Variants in ZNRF2 observed in about 807,000 individuals in gnomAD.
ZNRF2 encodes E3 ubiquitin-protein ligase ZNRF2.
In ZNRF2, 16 loss-of-function variants were observed where a neutral mutation model predicts 20.4. That is an observed-to-expected ratio of 0.79 (90% CI 0.53 to 1.19). ZNRF2 has a LOEUF of 1.19. ZNRF2 is among the 50% of genes most tolerant of loss of function. The probability of loss-of-function intolerance (pLI) is 0.00; values close to 1 mark genes in which losing one functional copy is unlikely to be tolerated. For synonymous variants in ZNRF2, 178 were observed against 144.9 expected (o/e 1.23, Z -1.64); for missense variants, 363 against 332.4 (o/e 1.09, Z -0.72).
intron 1 of ZNRF2, among the ~76,000 whole-genome samples, chr7:30,313,320 C>A (rs539237778): frequency 8.2e-4 from 124 of 152,132 alleles, no homozygotes; most frequent in South Asian, 1.9e-3. Flanking sequence ...CCTTTTTTCT[C>A]TTCATTTGAC....
chr7:30,327,811 C>G (rs1170605546), intron 2 of ZNRF2, among the ~76,000 whole-genome samples: 1 of 152,098 alleles, frequency 6.6e-6, no homozygotes, highest in African/African-American at 2.4e-5. Flanking sequence ...AAGTGATCCT[C>G]CTACCTCAGC....
At chr7:30,321,480 T>G (rs1460815244) in intron 1 of ZNRF2, among the ~76,000 whole-genome samples, 1 of 152,084 alleles carries the variant, frequency 6.6e-6, no homozygotes, top group Non-Finnish European at 1.5e-5. Context: ...TTCATTTTAG[T>G]AGGTTTTGGA....
intron 1 of ZNRF2, among the ~76,000 whole-genome samples, chr7:30,300,057 T>C (rs1269878938): frequency 6.6e-6 from 1 of 151,932 alleles, no homozygotes; most frequent in Non-Finnish European, 1.5e-5. Context: ...GTGCAGGGAT[T>C]ACAGGCGTGA....
intron 1 of ZNRF2, among the ~76,000 whole-genome samples, chr7:30,316,079 G>A (rs1290689386): frequency 6.6e-6 from 1 of 151,676 alleles, no homozygotes; most frequent in Non-Finnish European, 1.5e-5. Context: ...ACCTGAGGTT[G>A]GGAGTTGGAG....
At chr7:30,361,899 A>G (rs540749518) in intron 3 of ZNRF2, among the ~76,000 whole-genome samples, 5 of 152,322 alleles carry the variant, frequency 3.3e-5, no homozygotes, top group African/African-American at 7.2e-5. Context: ...GTGTATGTAT[A>G]TGTATTACAT....
intron 1 of ZNRF2, among the ~76,000 whole-genome samples, chr7:30,311,669 A>G (rs1799294370): frequency 1.3e-5 from 2 of 152,168 alleles, no homozygotes; most frequent in African/African-American, 4.8e-5. Flanking sequence ...AAGCTTGAAA[A>G]TCCTTGTAGA....
chr7:30,346,739 C>G (rs1799885854), intron 2 of ZNRF2, among the ~76,000 whole-genome samples: 2 of 152,040 alleles, frequency 1.3e-5, no homozygotes, highest in Admixed American at 1.3e-4. Context: ...TGAGCCCTTT[C>G]AGTCTAAAAT....
rs1325157293 is a variant in ZNRF2, at chr7:30,355,712, T to C, written c.566-16T>C. 1 of 1,589,640 alleles carries C rather than the reference T, an allele frequency of 6.3e-7. No individual in the cohort carries two copies. The highest frequency in any genetic ancestry group is 2.2e-5 in the East Asian group (1 of 44,652). On this transcript the variant is annotated splice_polypyrimidine_tract_variant and intron_variant, in intron 2 of 4. Transcript: ENST00000323037. Reference sequence around the variant, plus strand: ...GGATAATTTTATTGTCCTGAATTCATTTTCTCTTTCTTCAGAGGATGTACT... The same window carrying C: ...GGATAATTTTATTGTCCTGAATTCACTTTCTCTTTCTTCAGAGGATGTACT...
chr7:30,341,978 G>A (rs999395707), intron 2 of ZNRF2, among the ~76,000 whole-genome samples: 3 of 151,426 alleles, frequency 2.0e-5, no homozygotes, highest in African/African-American at 4.9e-5. Context: ...TATGTAATGC[G>A]CTTCTTTGTC....
chr7:30,347,487 C>T (rs1480010441), intron 2 of ZNRF2, among the ~76,000 whole-genome samples: 1 of 152,012 alleles, frequency 6.6e-6, no homozygotes, highest in Non-Finnish European at 1.5e-5. Context: ...GGACATTGAC[C>T]AAGTCCAGTG....
chr7:30,327,209 T>C (rs1228089942), intron 2 of ZNRF2, among the ~76,000 whole-genome samples: 1 of 152,220 alleles, frequency 6.6e-6, no homozygotes. Context: ...TCTTTGCCTG[T>C]TCTTATGTCT....
At chr7:30,357,106 A>G (rs1387860365) in intron 3 of ZNRF2, among the ~76,000 whole-genome samples, 2 of 152,232 alleles carry the variant, frequency 1.3e-5, no homozygotes, top group African/African-American at 4.8e-5. Context: ...CACATACACA[A>G]AAAATGAATC....
chr7:30,324,726 T>G (rs1799526149), intron 2 of ZNRF2, among the ~76,000 whole-genome samples: 1 of 152,196 alleles, frequency 6.6e-6, no homozygotes, highest in Non-Finnish European at 1.5e-5. Flanking sequence ...AATAAAATCT[T>G]TTGGGTTAAG....
chr7:30,303,079 G>C (rs1799144153), intron 1 of ZNRF2, among the ~76,000 whole-genome samples: 1 of 151,914 alleles, frequency 6.6e-6, no homozygotes, highest in African/African-American at 2.4e-5. Flanking sequence ...CCAGGAGTTC[G>C]AAACCAGCCT....
chr7:30,343,113 G>A (rs956161738), intron 2 of ZNRF2, among the ~76,000 whole-genome samples: 2 of 152,028 alleles, frequency 1.3e-5, no homozygotes, highest in Non-Finnish European at 2.9e-5. Context: ...TTCAAGACCC[G>A]ACCAGCCTGG....
At chr7:30,321,364 T>A (rs889117216) in intron 1 of ZNRF2, among the ~76,000 whole-genome samples, 3 of 152,186 alleles carry the variant, frequency 2.0e-5, no homozygotes, top group African/African-American at 7.2e-5. Context: ...ACACTCAGGA[T>A]CTGTGTTTGC....
At chr7:30,357,896 A>G (rs896505192) in intron 3 of ZNRF2, among the ~76,000 whole-genome samples, 2 of 152,178 alleles carry the variant, frequency 1.3e-5, no homozygotes, top group African/African-American at 2.4e-5. Context: ...TACAGGAAAG[A>G]AAATTAGAAA....
Position 30,333,734 on chromosome 7 carries a change from T to C in ZNRF2, c.565+9997T>C, listed in dbSNP as rs75193664. Among the ~76,000 whole-genome samples, 1,511 of 152,324 alleles carry C rather than the reference T, an allele frequency of 9.9e-3. 22 individuals are homozygous for C. The highest frequency in any genetic ancestry group is 0.033 in the African/African-American group (1,385 of 41,572). ...AGGTGGTATCTCATTGTGGTTTTGA[T>C]TTGGATTTATCTGATGATTAGTGGT... On this transcript the variant is annotated intron_variant, in intron 2 of 4. Transcript: ENST00000323037.
intron 3 of ZNRF2, among the ~76,000 whole-genome samples, chr7:30,361,221 C>T (rs1269322973): frequency 6.6e-6 from 1 of 152,094 alleles, no homozygotes; most frequent in East Asian, 1.9e-4. Context: ...CTTCCAGGGC[C>T]AAGTGGTAGA....
Sources: gnomAD v4.1 joint callset for allele counts (sites outside exome capture counted in the v4.1 genomes callset) on GRCh38, gnomAD v4.1.1 for gene constraint, MANE v1.5 for transcripts, NCBI Gene and HGNC (gene_info 2026-07-23, HGNC 2026-07-21) for gene names.